Variants in ANKRD42 observed in about 807,000 individuals in gnomAD.
ANKRD42 encodes ankyrin repeat domain 42, also known as ankyrin repeat domain-containing protein 42.
ANKRD42 carries 43 observed loss-of-function variants against 51.5 expected under a neutral mutation model. That is an observed-to-expected ratio of 0.83 (90% CI 0.65 to 1.08). The LOEUF is 1.08. ANKRD42 is among the 50% of genes least tolerant of loss of function. The probability of loss-of-function intolerance (pLI) is 0.00; values close to 1 mark genes in which losing one functional copy is unlikely to be tolerated. For missense variants in ANKRD42, 608 were observed against 629.3 expected (o/e 0.97, Z 0.36); for synonymous variants, 203 against 213.0 (o/e 0.95, Z 0.41).
At position 83,213,471 on chromosome 11, in the gene ANKRD42, A is replaced by G. The variant is rs1862407009; in HGVS notation, c.586+2041A>G. 3 of 1,378,694 alleles carry G rather than the reference A, an allele frequency of 2.2e-6. No homozygotes were observed. The South Asian group carries it at 4.5e-5, about 21-fold the overall frequency. The allele number at this position is 1,378,694 out of a possible 1,614,324, so 85.4% of individuals were successfully genotyped here. A position where few individuals can be genotyped will look rare whatever the true frequency, so the allele number is the denominator to read the frequency against. On this transcript the variant is annotated intron_variant, in intron 5 of 10. Transcript: ENST00000533342. ...AACTGCAAAGAAAAACCAAAAAACA[A>G]CAACAAAAAATTATTTTGTGTTAGG... is the stretch of plus-strand genomic sequence containing the variant.
At chr11:83,222,016 G>GT (rs1467062360) in intron 5 of ANKRD42, among the ~76,000 whole-genome samples, 5 of 152,204 alleles carry the variant, frequency 3.3e-5, no homozygotes, top group African/African-American at 1.2e-4. Flanking sequence ...TATAAAAACT[G>GT]TGAGTTGGGA....
chr11:83,225,147 T>C, intron 6 of ANKRD42, 92 bp downstream of exon 6: 2 of 1,143,016 alleles, frequency 1.7e-6, no homozygotes, highest in Non-Finnish European at 2.5e-6. Context: ...GGAAAAGATA[T>C]AAGGCAAATG....
At chr11:83,249,842 T>C (rs536104251), downstream of ANKRD42, among the ~76,000 whole-genome samples, 2 of 152,308 alleles carry the variant, frequency 1.3e-5, no homozygotes, top group Admixed American at 6.5e-5. Flanking sequence ...AATTTCCTCA[T>C]CTTTAAAATG....
At chr11:83,231,346 A>G (rs1863066477) in intron 7 of ANKRD42, among the ~76,000 whole-genome samples, 1 of 152,118 alleles carries the variant, frequency 6.6e-6, no homozygotes, top group South Asian at 2.1e-4. Context: ...TCTGTTTGCC[A>G]TTTGTATGTC....
At chr11:83,195,901 G>A (rs1472306017) in intron 1 of ANKRD42, among the ~76,000 whole-genome samples, 4 of 147,936 alleles carry the variant, frequency 2.7e-5, no homozygotes, top group African/African-American at 1.0e-4. Context: ...CTGGAGTGCA[G>A]TGGCGCGGTC....
chr11:83,256,087 A>AT, exon 12 of ANKRD42: 6 of 538,922 alleles, frequency 1.1e-5, no homozygotes, highest in Middle Eastern at 1.0e-3. Flanking sequence ...AGATTTAGAG[A>AT]TTTTTTAAAT....
chr11:83,196,757 A>G (rs184360765), intron 1 of ANKRD42, among the ~76,000 whole-genome samples: 2 of 152,296 alleles, frequency 1.3e-5, no homozygotes, highest in Admixed American at 1.3e-4. Flanking sequence ...GAGTAGATGG[A>G]TGAGTGGATG....
At chr11:83,258,161 G>C (rs1243010509), downstream of ANKRD42, among the ~76,000 whole-genome samples, 1 of 152,136 alleles carries the variant, frequency 6.6e-6, no homozygotes, top group Non-Finnish European at 1.5e-5. Flanking sequence ...CCATGGAGCT[G>C]ACATATTAGC....
Position 83,194,181 on chromosome 11 carries a change from C to T in ANKRD42, c.-490C>T, listed in dbSNP as rs773775205. The T allele has an allele frequency of 2.2e-6, 1 of 457,938 alleles. No individual in the cohort carries two copies. Among genetic ancestry groups the T allele is most frequent in the South Asian group, 1.5e-5 (1 of 64,580 alleles). 28.4% of individuals were successfully genotyped at this position (457,938 alleles called of 1,614,324 possible). A position where few individuals can be genotyped will look rare whatever the true frequency, so the allele number is the denominator to read the frequency against. Reference sequence around the variant, plus strand: ...ACGTGAATTTTAGTGAAGTTGGAGGCCACCAAACTACCGACTCCAGGGGAA... The same window carrying T: ...ACGTGAATTTTAGTGAAGTTGGAGGTCACCAAACTACCGACTCCAGGGGAA... On this transcript the variant is annotated 5_prime_UTR_variant, in exon 1 of 11. Coordinates refer to ENST00000533342, the MANE Select transcript of ANKRD42 (RefSeq NM_001300975.2).
At chr11:83,203,338 G>A (rs1861942829) in intron 2 of ANKRD42, among the ~76,000 whole-genome samples, 2 of 150,770 alleles carry the variant, frequency 1.3e-5, no homozygotes, top group Admixed American at 1.3e-4. Flanking sequence ...AAAGATTTTA[G>A]TGCTTTTCTC....
downstream of ANKRD42, among the ~76,000 whole-genome samples, chr11:83,263,504 A>C (rs372751921): frequency 6.6e-6 from 1 of 152,194 alleles, no homozygotes; most frequent in South Asian, 2.1e-4. Flanking sequence ...TGCCTGGTAC[A>C]TTTTAAGCAC....
intron 5 of ANKRD42, 112 bp from the exon 6 acceptor site, chr11:83,224,743 C>A: frequency 1.2e-6 from 1 of 806,072 alleles, no homozygotes; most frequent in Non-Finnish European, 1.8e-6. Flanking sequence ...ATGATTGTGC[C>A]ACTGCACTCC....
intron 8 of ANKRD42, among the ~76,000 whole-genome samples, chr11:83,238,987 C>T (rs954346784): frequency 7.0e-6 from 1 of 142,542 alleles, no homozygotes; most frequent in African/African-American, 2.7e-5. Context: ...CCAACCTAGG[C>T]GACTGAGCTA....
At chr11:83,209,468 C>G in intron 3 of ANKRD42, 13 of 1,413,812 alleles carry the variant, frequency 9.2e-6, no homozygotes, top group Non-Finnish European at 1.3e-5. Flanking sequence ...ACATGTCGTG[C>G]TGCCCAAGGA....
intron 5 of ANKRD42, among the ~76,000 whole-genome samples, chr11:83,221,566 T>G (rs1565187217): frequency 6.6e-6 from 1 of 152,242 alleles, no homozygotes; most frequent in African/African-American, 2.4e-5. Flanking sequence ...TTGTTGATTT[T>G]CTTTCTTTTT....
intron 9 of ANKRD42, among the ~76,000 whole-genome samples, chr11:83,243,191 A>T (rs973673098): frequency 2.6e-5 from 4 of 151,968 alleles, no homozygotes; most frequent in African/African-American, 9.7e-5. Context: ...ATGGCATTTC[A>T]TTGTGGTTTT....
chr11:83,206,597 G>C (rs1008639107), intron 3 of ANKRD42, among the ~76,000 whole-genome samples: 7 of 152,214 alleles, frequency 4.6e-5, no homozygotes, highest in Non-Finnish European at 1.5e-5. Context: ...ACCTCAGAGA[G>C]CTAGCTCTCT....
intron 3 of ANKRD42, among the ~76,000 whole-genome samples, chr11:83,208,614 A>G (rs888557761): frequency 6.6e-6 from 1 of 152,236 alleles, no homozygotes; most frequent in Non-Finnish European, 1.5e-5. Flanking sequence ...AAATGAGCCA[A>G]GATATCTTGC....
chr11:83,195,947 A>G lies in ANKRD42; in HGVS notation c.58+1219A>G, dbSNP rs533138942. On this transcript the variant is annotated intron_variant, in intron 1 of 10. Transcript: ENST00000533342. ...TGCAATCTCCGCCTTCCAGGTTCAC[A>G]CCATTCTTCTGCGTCAGCCTCCCGA... 3.3e-5 allele frequency among the ~76,000 whole-genome samples: 5 copies of G among 149,708 alleles called. No homozygotes were observed. The South Asian group carries it at 1.1e-3, about 32-fold the overall frequency.
Sources: allele counts gnomAD v4.1 joint callset (sites outside exome capture counted in the v4.1 genomes callset), GRCh38; gene constraint gnomAD v4.1.1; transcripts MANE v1.5; gene names NCBI Gene and HGNC (gene_info 2026-07-23, HGNC 2026-07-21).